The following FAM72D variants were observed in gnomAD, a reference collection of about 807,000 sequenced individuals.
The protein encoded by FAM72D is RUMY family member 4.
For missense variants in FAM72D, 9 were observed against 104.7 expected, an observed-to-expected ratio of 0.09 and a Z score of 3.99; for synonymous variants, 4 against 35.1, an observed-to-expected ratio of 0.11 and a Z score of 3.13.
chr1:145,102,207 G>A (rs1219381559), intron 2 of FAM72D, among the ~76,000 whole-genome samples: 2 of 54,988 alleles, frequency 3.6e-5, no homozygotes, highest in African/African-American at 1.9e-4. Context: ...ACTAAAATTA[G>A]AGCAGCCAGA....
At chr1:145,099,926 C>CT (rs1654617022) in intron 2 of FAM72D, among the ~76,000 whole-genome samples, 2 of 82,382 alleles carry the variant, frequency 2.4e-5, no homozygotes, top group Non-Finnish European at 4.4e-5. Context: ...GCACGCACCA[C>CT]CATGCCCAGC....
chr1:145,102,790 A>AATAATG (rs1654775044), intron 2 of FAM72D, among the ~76,000 whole-genome samples: 2 of 135,734 alleles, frequency 1.5e-5, no homozygotes, highest in Admixed American at 1.5e-4. Flanking sequence ...TAATAATAAT[A>AATAATG]GCAAAGAAAT....
At chr1:145,100,700 C>G (rs1654664177) in intron 2 of FAM72D, among the ~76,000 whole-genome samples, 1 of 148,354 alleles carries the variant, frequency 6.7e-6, no homozygotes, top group African/African-American at 2.5e-5. Flanking sequence ...CCGTGTTGCC[C>G]AGGCTGCTCT....
At chr1:145,104,263 C>CA (rs1553638250) in intron 3 of FAM72D, among the ~76,000 whole-genome samples, 1 of 142,530 alleles carries the variant, frequency 7.0e-6, no homozygotes, top group Non-Finnish European at 1.5e-5. Flanking sequence ...TTGATGACTG[C>CA]AAACTGATCA....
At chr1:145,102,758 A>ATAATAG (rs1654770858) in intron 2 of FAM72D, among the ~76,000 whole-genome samples, 1 of 136,376 alleles carries the variant, frequency 7.3e-6, no homozygotes, top group South Asian at 2.3e-4. Flanking sequence ...AATAATAATA[A>ATAATAG]TAATAATAAT....
chr1:145,100,633 A>T (rs1346983561), intron 2 of FAM72D, among the ~76,000 whole-genome samples: 1 of 140,940 alleles, frequency 7.1e-6, no homozygotes, highest in Non-Finnish European at 1.5e-5. Flanking sequence ...CTGAGACTAC[A>T]GGCACGCACC....
At chr1:145,097,183 A>G (rs1281325294) in intron 1 of FAM72D, among the ~76,000 whole-genome samples, 184 bp downstream of exon 1, 2 of 144,558 alleles carry the variant, frequency 1.4e-5, no homozygotes, top group Non-Finnish European at 3.0e-5. Context: ...TGGTTTAGCC[A>G]AGGTGGTCAG....
intron 3 of FAM72D, among the ~76,000 whole-genome samples, chr1:145,108,255 TG>T (rs1655025559): frequency 7.4e-6 from 1 of 134,846 alleles, no homozygotes; most frequent in Non-Finnish European, 1.6e-5. Context: ...TCCAAAGGGC[TG>T]GGATTACAGG....
intron 2 of FAM72D, among the ~76,000 whole-genome samples, chr1:145,100,399 G>A (rs1654643560): frequency 1.6e-5 from 2 of 128,858 alleles, no homozygotes; most frequent in Non-Finnish European, 3.2e-5. Flanking sequence ...TTGTATTGAG[G>A]AACTAGTATG....
At chr1:145,101,099 G>A (rs1340869514) in intron 2 of FAM72D, among the ~76,000 whole-genome samples, 12 of 148,454 alleles carry the variant, frequency 8.1e-5, no homozygotes, top group Non-Finnish European at 1.6e-4. Context: ...ATGCCACCAT[G>A]CCCAGTTAAT....
intron 3 of FAM72D, among the ~76,000 whole-genome samples, chr1:145,105,750 C>T (rs1654891863): frequency 1.3e-5 from 2 of 149,672 alleles, no homozygotes; most frequent in Admixed American, 1.3e-4. Flanking sequence ...GTTGGGAGTT[C>T]GAGACCAGCC....
intron 3 of FAM72D, among the ~76,000 whole-genome samples, chr1:145,106,061 C>T (rs1478046006): frequency 2.9e-5 from 4 of 136,218 alleles, no homozygotes; most frequent in African/African-American, 8.2e-5. Flanking sequence ...TCTACATCTG[C>T]ACTTTTTGCT....
chr1:145,096,787 G>T lies in FAM72D; in HGVS notation c.-61G>T. On this transcript the variant is annotated 5_prime_UTR_variant, in exon 1 of 4. Transcript: ENST00000400889. The stretch of plus-strand genomic sequence containing the variant: ...ATTTTAGCCTAGGGGAATCAAAATA[G>T]TAGGAGCATTACTCTTGTTTCCTTT... The T allele has an allele frequency of 2.1e-6, 1 of 475,780 alleles. No homozygotes were observed. Among genetic ancestry groups the T allele is most frequent in the Middle Eastern group, 5.7e-4 (1 of 1,742 alleles). The allele number at this position is 475,780 out of a possible 1,614,324, so 29.5% of individuals were successfully genotyped here. A position where few individuals can be genotyped will look rare whatever the true frequency, so the allele number is the denominator to read the frequency against.
chr1:145,107,120 T>A (rs1329444875), intron 3 of FAM72D, among the ~76,000 whole-genome samples: 2 of 43,060 alleles, frequency 4.6e-5, no homozygotes, highest in African/African-American at 2.9e-4. Flanking sequence ...GGCAACAGAG[T>A]GAGACCCTGT....
chr1:145,100,965 G>T (rs1477076706), intron 2 of FAM72D, among the ~76,000 whole-genome samples: 3 of 149,034 alleles, frequency 2.0e-5, no homozygotes, highest in African/African-American at 7.6e-5. Flanking sequence ...GTTTTGAGAC[G>T]GAGTCTTGCT....
chr1:145,106,978 T>A (rs1654943464), intron 3 of FAM72D, among the ~76,000 whole-genome samples: 1 of 93,196 alleles, frequency 1.1e-5, no homozygotes, highest in Admixed American at 1.1e-4. Context: ...TCCCACACTT[T>A]GGGAGGCCAA....
rs1394041310 is a variant in FAM72D, at chr1:145,101,241, GAAC to G, written c.231-1761_231-1759del. Among the ~76,000 whole-genome samples, 4 of 137,612 alleles carry G rather than the reference GAAC, an allele frequency of 2.9e-5. No individual in the cohort carries two copies. In the East Asian group the frequency reaches 8.3e-4, roughly 29 times the overall value. 90.3% of individuals were successfully genotyped at this position (137,612 alleles called of 152,430 possible). ...ACAGGCATGAGCCACCGCACCCGAA[GAAC>G]AACATTTTCAAAAGAAAACCAAAAC... is the stretch of plus-strand genomic sequence containing the variant. On this transcript the variant is annotated intron_variant, in intron 2 of 3. Transcript: ENST00000400889.
intron 3 of FAM72D, among the ~76,000 whole-genome samples, chr1:145,106,861 T>A (rs1168037094): frequency 7.5e-6 from 1 of 133,580 alleles, no homozygotes; most frequent in Non-Finnish European, 1.5e-5. Flanking sequence ...AAACCTTCCA[T>A]TTATATAAAG....
rs2102563909 is a variant in FAM72D, at chr1:145,112,486, AG to A, written c.*892del. ...CAGAGCTACAAAGGAATAGGAAAGT[AG>A]GGTAGTGTTGGATTCTGGTTTTATG... On this transcript the variant is annotated 3_prime_UTR_variant, in exon 4 of 4. Transcript: ENST00000400889. 6.8e-6 allele frequency: 1 copy of A among 147,414 alleles called. No homozygotes were observed. The highest frequency in any genetic ancestry group is 2.7e-5 in the African/African-American group (1 of 37,314). The allele number at this position is 147,414 out of a possible 1,614,324, so 9.1% of individuals were successfully genotyped here. A position where few individuals can be genotyped will look rare whatever the true frequency, so the allele number is the denominator to read the frequency against.
Sources: allele counts gnomAD v4.1 joint callset (sites outside exome capture counted in the v4.1 genomes callset), GRCh38; gene constraint gnomAD v4.1.1; transcripts MANE v1.5; gene names NCBI Gene and HGNC (gene_info 2026-07-23, HGNC 2026-07-21).